Variants in FREM1 observed in about 807,000 individuals in gnomAD.
FREM1 encodes FRAS1 related extracellular matrix 1.
FREM1 carries 220 observed loss-of-function variants against 210.1 expected under a neutral mutation model. That is an observed-to-expected ratio of 1.05 (90% CI 0.94 to 1.17). The LOEUF is 1.17. Among genes scored for constraint, FREM1 ranks in the 50% most tolerant of loss-of-function variants. The probability of loss-of-function intolerance (pLI) is 0.00; values close to 1 mark genes in which losing one functional copy is unlikely to be tolerated. For synonymous variants in FREM1, 1,189 were observed against 980.2 expected (o/e 1.21, Z -3.98); for missense variants, 3,454 against 2,675.5 (o/e 1.29, Z -6.42).
intron 1 of FREM1, among the ~76,000 whole-genome samples, chr9:14,907,508 C>G (rs1817971228): frequency 6.6e-6 from 1 of 152,138 alleles, no homozygotes; most frequent in Non-Finnish European, 1.5e-5. Context: ...TTCAGACCAC[C>G]CAGCTCTCCA....
At chr9:14,737,881 G>C (rs1334057852) in intron 36 of FREM1, among the ~76,000 whole-genome samples, 1 of 152,068 alleles carries the variant, frequency 6.6e-6, no homozygotes, top group Admixed American at 6.6e-5. Context: ...AGTACATCTA[G>C]GGTTGTTTTG....
At position 14,836,184 on chromosome 9, in the gene FREM1, C is replaced by G. The variant is rs1239886923; in HGVS notation, c.1881+5263G>C. Among the ~76,000 whole-genome samples the G allele has an allele frequency of 6.6e-6, 1 of 152,212 alleles. No individual in the cohort carries two copies. Among genetic ancestry groups the G allele is most frequent in the South Asian group, 2.1e-4 (1 of 4,836 alleles). The stretch of plus-strand genomic sequence containing the variant: ...AAAATTTTAGATGGAAATTATCTAC[C>G]ACACCACACTTGTGGGAATTGCTGT... On this transcript the variant is annotated intron_variant, in intron 10 of 36. Transcript: ENST00000380880. This position sits in a 1 kb window ranked among gnomAD's most constrained non-coding sequence, Gnocchi z 4.9.
intron 1 of FREM1, among the ~76,000 whole-genome samples, chr9:14,881,890 CTTTTTCTTTA>C (rs1834857651): frequency 6.6e-6 from 1 of 152,158 alleles, no homozygotes; most frequent in Non-Finnish European, 1.5e-5. Context: ...CCTCTTCTCC[CTTTTTCTTTA>C]TGCTTCCCTC....
chr9:14,794,355 G>C (rs1851958872), intron 21 of FREM1, among the ~76,000 whole-genome samples: 1 of 152,182 alleles, frequency 6.6e-6, no homozygotes, highest in South Asian at 2.1e-4. Context: ...TGGACAGGAA[G>C]CTGGAGCATT....
chr9:14,758,614 G>A (rs1376973714), intron 28 of FREM1, among the ~76,000 whole-genome samples: 1 of 144,922 alleles, frequency 6.9e-6, no homozygotes, highest in Non-Finnish European at 1.5e-5. Flanking sequence ...ATTAAATTGA[G>A]ACTTAATAGA....
At chr9:14,884,194 A>G (rs1008691666) in intron 1 of FREM1, among the ~76,000 whole-genome samples, 1 of 152,024 alleles carries the variant, frequency 6.6e-6, no homozygotes, top group Non-Finnish European at 1.5e-5. Context: ...GCGCCACTGC[A>G]CTCCAGCCTG....
At chr9:14,877,426 C>CA (rs558460819) in intron 1 of FREM1, among the ~76,000 whole-genome samples, 7 of 99,926 alleles carry the variant, frequency 7.0e-5, no homozygotes, top group Non-Finnish European at 1.5e-4. Flanking sequence ...TAAATCTAGA[C>CA]AAAAAATCTT....
intron 3 of FREM1, among the ~76,000 whole-genome samples, chr9:14,860,482 T>C (rs960076333): frequency 7.3e-5 from 11 of 151,500 alleles, no homozygotes; most frequent in African/African-American, 2.7e-4. Context: ...CAGCTTTTTT[T>C]CTTTTTTAAA....
In FREM1 at chr9:14,841,606, A is replaced by G. The variant is rs191993020; in HGVS notation, c.1739-17T>C. ...CAGGATAGCCTATTGGGTCCATAAA[A>G]CACCACATACTTTTGTACAAGCCTA... is the stretch of plus-strand genomic sequence containing the variant. On this transcript the variant is annotated splice_polypyrimidine_tract_variant and intron_variant, in intron 9 of 36. Transcript: ENST00000380880. The G allele has an allele frequency of 1.3e-4, 201 of 1,557,708 alleles. No individual in the cohort carries two copies. In the Admixed American group the frequency reaches 3.6e-3, roughly 28 times the overall value.
At chr9:14,818,717 T>A (rs1820750995) in intron 14 of FREM1, among the ~76,000 whole-genome samples, 1 of 152,198 alleles carries the variant, frequency 6.6e-6, no homozygotes, top group South Asian at 2.1e-4. Context: ...TGTTGGAGAC[T>A]CAAGTATTAG....
At chr9:14,901,707 G>A (rs184199693) in intron 1 of FREM1, among the ~76,000 whole-genome samples, 9 of 152,208 alleles carry the variant, frequency 5.9e-5, no homozygotes, top group African/African-American at 2.2e-4. Context: ...ACACTTTAAC[G>A]ACTCACTTTT....
At chr9:14,794,276 G>A (rs1161185622) in intron 21 of FREM1, among the ~76,000 whole-genome samples, 1 of 151,818 alleles carries the variant, frequency 6.6e-6, no homozygotes, top group African/African-American at 2.4e-5. Flanking sequence ...ACTGCTATGG[G>A]GAATTGGGGC....
intron 17 of FREM1, 130 bp downstream of exon 17, chr9:14,807,810 G>T (rs1193771568): frequency 3.0e-6 from 2 of 677,862 alleles, no homozygotes; most frequent in African/African-American, 1.8e-5. Context: ...TTGTGTTGAG[G>T]TAATTATTGA....
intron 30 of FREM1, 148 bp from the exon 31 acceptor site, chr9:14,748,787 CTCCTTTACTCT>C: frequency 1.7e-6 from 1 of 601,988 alleles, no homozygotes; most frequent in Non-Finnish European, 2.9e-6. Flanking sequence ...TTGCCAGAAA[CTCCTTTACTCT>C]TCATCAGTTT....
chr9:14,899,477 A>G (rs903129111), intron 1 of FREM1, among the ~76,000 whole-genome samples: 2 of 152,222 alleles, frequency 1.3e-5, no homozygotes, highest in Admixed American at 6.5e-5. Context: ...AAATCTCCAT[A>G]AACATCACAG....
intron 26 of FREM1, 109 bp downstream of exon 26, chr9:14,770,496 C>A: frequency 1.3e-6 from 1 of 757,842 alleles, no homozygotes; most frequent in Admixed American, 2.1e-5. Context: ...ATCAGTAAGC[C>A]CTGGGGAGTG....
At chr9:14,739,465 T>A (rs992826002) in intron 36 of FREM1, among the ~76,000 whole-genome samples, 1 of 140,422 alleles carries the variant, frequency 7.1e-6, no homozygotes, top group African/African-American at 2.8e-5. Context: ...TATATATATA[T>A]ATATATATAT....
rs1045032496 is a variant in FREM1 at position 14,848,102 on chromosome 9, G to C, written c.1261+563C>G. ...CACTGCTTATAAGTATGTTTCAAAT[G>C]GTATTGATGGGATCAGTGAGAAGGA... On this transcript the variant is annotated intron_variant, in intron 7 of 36. Coordinates refer to ENST00000380880, the MANE Select transcript of FREM1 (RefSeq NM_001379081.2). Among the ~76,000 whole-genome samples the C allele has an allele frequency of 2.3e-4, 35 of 152,104 alleles. 1 individual carries two copies. Among genetic ancestry groups the C allele is most frequent in the African/African-American group, 7.0e-4 (29 of 41,408 alleles).
intron 24 of FREM1, among the ~76,000 whole-genome samples, chr9:14,776,988 A>G (rs1377032903): frequency 6.6e-6 from 1 of 152,226 alleles, no homozygotes; most frequent in African/African-American, 2.4e-5. Context: ...AGTTGGTGGG[A>G]GATCATAAGG....
Sources: allele counts gnomAD v4.1 joint callset (sites outside exome capture counted in the v4.1 genomes callset), GRCh38; gene constraint gnomAD v4.1.1; non-coding constraint Gnocchi (gnomAD v3.1); transcripts MANE v1.5; gene names NCBI Gene and HGNC (gene_info 2026-07-23, HGNC 2026-07-21).